The following HDAC4 variants were observed in gnomAD, a reference collection of about 807,000 sequenced individuals.
The protein encoded by HDAC4 is histone deacetylase 4, also known as histone deacetylase A.
Under a neutral mutation model 135.1 loss-of-function variants are expected in HDAC4, and 16 were observed. The ratio of observed to expected loss-of-function variants is 0.12; its 90% CI spans 0.08 to 0.18. The LOEUF is 0.18. HDAC4 is among the 10% of genes least tolerant of loss of function. HDAC4 has a pLI of 1.00. For missense variants in HDAC4, 1,143 were observed against 1,511.8 expected (o/e 0.76, Z 4.05); for synonymous variants, 685 against 653.4 (o/e 1.05, Z -0.74).
intron 17 of HDAC4, among the ~76,000 whole-genome samples, chr2:239,093,003 C>T (rs546754776): frequency 4.6e-5 from 7 of 152,158 alleles, no homozygotes; most frequent in African/African-American, 1.4e-4. Context: ...AGGGACATGC[C>T]GAGGGCTGGC....
intron 3 of HDAC4, among the ~76,000 whole-genome samples, chr2:239,228,404 T>C (rs2047363053): frequency 1.5e-5 from 1 of 64,684 alleles, no homozygotes; most frequent in African/African-American, 5.4e-5. Context: ...GAGGGAGCTG[T>C]CACTGTGAGA....
chr2:239,368,198 C>T (rs1395392997), intron 1 of HDAC4, among the ~76,000 whole-genome samples: 2 of 152,082 alleles, frequency 1.3e-5, no homozygotes, highest in African/African-American at 4.8e-5. Flanking sequence ...GTGTGAAGGG[C>T]TCCGGAGTTT....
intron 2 of HDAC4, among the ~76,000 whole-genome samples, chr2:239,268,162 T>C (rs761114616): frequency 2.6e-5 from 4 of 152,244 alleles, no homozygotes; most frequent in Non-Finnish European, 5.9e-5. Context: ...GCTTTCTCCT[T>C]AGGAAGTTGG....
intron 6 of HDAC4, among the ~76,000 whole-genome samples, chr2:239,159,802 G>A (rs1411997686): frequency 6.6e-6 from 1 of 152,238 alleles, no homozygotes. Context: ...ATTATCTTCC[G>A]ATTTTTCAAC....
chr2:239,270,248 T>G (rs1399672308), intron 2 of HDAC4, among the ~76,000 whole-genome samples: 1 of 152,108 alleles, frequency 6.6e-6, no homozygotes, highest in Non-Finnish European at 1.5e-5. Flanking sequence ...TAAAAATGAA[T>G]GGATGACGGA....
intron 22 of HDAC4, among the ~76,000 whole-genome samples, chr2:239,075,928 A>G (rs2034704533): frequency 7.9e-5 from 12 of 151,206 alleles, no homozygotes; most frequent in Admixed American, 7.9e-4. Flanking sequence ...AGGGAGACAG[A>G]GCTGGGTTGG....
At position 239,390,005 on chromosome 2, in the gene HDAC4, A is replaced by G. The variant is rs938991384; in HGVS notation, c.-220+10973T>C. 1.7e-4 allele frequency among the ~76,000 whole-genome samples: 26 copies of G among 152,194 alleles called. 1 individual carries two copies. Among genetic ancestry groups the G allele is most frequent in the Admixed American group, 1.4e-3 (22 of 15,278 alleles). ...TGGGTGTGAACCAGCCAGTGTATAT[A>G]ACCCTGGGAGCAGCGGGCAGGGCCT... On this transcript the variant is annotated intron_variant, in intron 1 of 26. Transcript: ENST00000543185.
chr2:239,401,230 C>A (rs1379073347), upstream of HDAC4, among the ~76,000 whole-genome samples: 1 of 152,044 alleles, frequency 6.6e-6, no homozygotes, highest in African/African-American at 2.4e-5. Flanking sequence ...TCCATTGGCC[C>A]GCTGAAACCT....
At chr2:239,322,337 G>A (rs1473042457) in intron 2 of HDAC4, among the ~76,000 whole-genome samples, 3 of 152,244 alleles carry the variant, frequency 2.0e-5, no homozygotes, top group Admixed American at 2.0e-4. Flanking sequence ...TTAAGAGTCA[G>A]TTGCTTGGCA....
At chr2:239,122,816 A>G (rs1238904918) in intron 12 of HDAC4, among the ~76,000 whole-genome samples, 1 of 152,218 alleles carries the variant, frequency 6.6e-6, no homozygotes, top group Non-Finnish European at 1.5e-5. Context: ...TACAGGCTGA[A>G]GGAGGGGCAG....
intron 24 of HDAC4, among the ~76,000 whole-genome samples, chr2:239,058,963 G>A (rs192212138): frequency 1.8e-4 from 27 of 152,294 alleles, no homozygotes; most frequent in African/African-American, 4.1e-4. Context: ...GCACTGGCCC[G>A]TAAAGCAAGT....
intron 7 of HDAC4, among the ~76,000 whole-genome samples, chr2:239,148,704 G>A (rs749047275): frequency 2.6e-5 from 4 of 152,232 alleles, no homozygotes; most frequent in Non-Finnish European, 4.4e-5. Context: ...AGAGCCACTG[G>A]AAGACGTGCA....
At chr2:239,341,143 C>G (rs1008879914) in intron 2 of HDAC4, among the ~76,000 whole-genome samples, 1 of 152,254 alleles carries the variant, frequency 6.6e-6, no homozygotes, top group Non-Finnish European at 1.5e-5. Context: ...TGTTCTAGAA[C>G]TCTTTTTATC....
chr2:239,125,983 C>G (rs2040159223), intron 12 of HDAC4, among the ~76,000 whole-genome samples: 1 of 152,264 alleles, frequency 6.6e-6, no homozygotes, highest in Admixed American at 6.5e-5. Context: ...AGGCAGGCTG[C>G]AAGTGCCGGA....
At chr2:239,094,768 C>A in intron 17 of HDAC4, 1 of 1,373,530 alleles carries the variant, frequency 7.3e-7, no homozygotes, top group Non-Finnish European at 9.5e-7. Flanking sequence ...AAAGCGAGAG[C>A]CACTGCACCC....
chr2:239,224,099 T>C (rs1043129041), intron 3 of HDAC4, among the ~76,000 whole-genome samples: 3 of 152,176 alleles, frequency 2.0e-5, no homozygotes, highest in Non-Finnish European at 4.4e-5. Context: ...TCCACCCACA[T>C]TCCCCATGAA....
intron 14 of HDAC4, among the ~76,000 whole-genome samples, chr2:239,110,219 G>C (rs755712773): frequency 6.6e-6 from 1 of 152,204 alleles, no homozygotes; most frequent in Non-Finnish European, 1.5e-5. Flanking sequence ...GTGGCATTAC[G>C]GGCAAACGGC....
chr2:239,280,133 T>C (rs1164878719), intron 2 of HDAC4, among the ~76,000 whole-genome samples: 1 of 152,098 alleles, frequency 6.6e-6, no homozygotes, highest in African/African-American at 2.4e-5. Flanking sequence ...AGACATGTGC[T>C]GGTTCTTGTG....
At chr2:239,288,066 TAA>T (rs34053864) in intron 2 of HDAC4, among the ~76,000 whole-genome samples, 6 of 144,988 alleles carry the variant, frequency 4.1e-5, no homozygotes, top group Admixed American at 6.9e-5. Context: ...CCCTGTAAGT[TAA>T]AAAAAAAAAA....
Sources: allele counts gnomAD v4.1 joint callset (sites outside exome capture counted in the v4.1 genomes callset), GRCh38; gene constraint gnomAD v4.1.1; transcripts MANE v1.5; gene names NCBI Gene and HGNC (gene_info 2026-07-23, HGNC 2026-07-21).